The following SLC13A3 variants were observed in gnomAD, a reference collection of about 807,000 sequenced individuals.
SLC13A3 encodes Na(+)/dicarboxylate cotransporter 3.
SLC13A3 carries 40 observed loss-of-function variants against 59.0 expected under a neutral mutation model. The ratio of observed to expected loss-of-function variants is 0.68; its 90% CI spans 0.53 to 0.88. SLC13A3 has a LOEUF of 0.88. Among genes scored for constraint, SLC13A3 ranks in the 40% least tolerant of loss-of-function variants. The pLI, the probability that SLC13A3 is intolerant of heterozygous loss-of-function variation, is 0.00. For synonymous variants in SLC13A3, 317 were observed against 330.3 expected (o/e 0.96, Z 0.44); for missense variants, 699 against 783.2 (o/e 0.89, Z 1.28).
intron 1 of SLC13A3, among the ~76,000 whole-genome samples, chr20:46,665,133 G>T (rs186361864): frequency 7.6e-4 from 115 of 152,156 alleles, no homozygotes; most frequent in African/African-American, 2.7e-3. Context: ...AAGCATGGTG[G>T]TGTGTGCCTG....
At chr20:46,651,220 TG>T in intron 1 of SLC13A3, 90 bp downstream of exon 1, 1 of 1,392,016 alleles carries the variant, frequency 7.2e-7, no homozygotes, top group South Asian at 1.6e-5. Context: ...CTGTCTACAC[TG>T]GGACCTCAGC....
intron 1 of SLC13A3, among the ~76,000 whole-genome samples, chr20:46,644,316 T>G (rs2062873597): frequency 6.6e-6 from 1 of 152,078 alleles, no homozygotes; most frequent in Non-Finnish European, 1.5e-5. Flanking sequence ...TGAACCCATT[T>G]CCTCCCCACA....
intron 4 of SLC13A3, among the ~76,000 whole-genome samples, chr20:46,598,145 G>T (rs1464031895): frequency 1.3e-5 from 2 of 152,120 alleles, no homozygotes; most frequent in Admixed American, 6.5e-5. Flanking sequence ...CTTAAAGAAG[G>T]AAAGATAATT....
At position 46,619,543 on chromosome 20, in the gene SLC13A3, C is replaced by A. The variant is rs1379814195; in HGVS notation, c.112-5818G>T. 2.0e-5 allele frequency among the ~76,000 whole-genome samples: 3 copies of A among 152,310 alleles called. No individual in the cohort carries two copies. In the East Asian group the frequency reaches 5.8e-4, roughly 29 times the overall value. On this transcript the variant is annotated intron_variant, in intron 1 of 12. Transcript: ENST00000279027. ...ATTATGTCACTCCCCTGCTCAAACA[C>A]CTCCTCTGGCTCCCCATGGCCCCCA... is the stretch of plus-strand genomic sequence containing the variant.
chr20:46,654,691 G>A (rs560315796), upstream of SLC13A3, among the ~76,000 whole-genome samples: 42 of 152,096 alleles, frequency 2.8e-4, no homozygotes, highest in Non-Finnish European at 4.3e-4. Context: ...CATCACACCC[G>A]GCTAATTTTT....
chr20:46,575,771 G>A, intron 9 of SLC13A3, 86 bp from the exon 10 acceptor site: 1 of 730,026 alleles, frequency 1.4e-6, no homozygotes, highest in Non-Finnish European at 2.1e-6. Context: ...TCTTACCGGG[G>A]ACACTCAGGG....
intron 1 of SLC13A3, among the ~76,000 whole-genome samples, chr20:46,621,738 C>T (rs1237643009): frequency 2.0e-5 from 3 of 152,224 alleles, no homozygotes; most frequent in Non-Finnish European, 2.9e-5. Context: ...CGGCACATCA[C>T]ATCCAATGTC....
chr20:46,632,460 AG>A (rs5841651), intron 1 of SLC13A3, among the ~76,000 whole-genome samples: 55,927 of 131,384 alleles, frequency 0.43, 11,134 homozygotes, highest in East Asian at 0.63. Context: ...CCAGCCCCCA[AG>A]GGGGAAAAAA....
chr20:46,589,208 C>G lies in SLC13A3; in HGVS notation c.968G>C (p.Arg323Thr). The G allele has an allele frequency of 6.2e-7, 1 of 1,614,222 alleles. No homozygotes were observed. The highest frequency in any genetic ancestry group is 8.5e-7 in the Non-Finnish European group (1 of 1,180,040). ...KSEIRTNAEDRARAVIREEYQ... is the reference protein window; with the variant it reads ...KSEIRTNAEDTARAVIREEYQ... ...TTCTTCCCGAATTACAGCTCGAGCC[C>G]TATCTTCTGCATTGGTTCTTATCTC... The change falls in exon 7 of 13, where the codon AGG becomes ACG. Residue 323 changes from arginine to threonine, a missense_variant. Arg to Thr is a moderately conservative substitution (Grantham distance 71, BLOSUM62 -1). Coordinates refer to ENST00000279027, the MANE Select transcript of SLC13A3 (RefSeq NM_022829.6).
At chr20:46,642,181 C>G (rs1016442674) in intron 1 of SLC13A3, among the ~76,000 whole-genome samples, 7 of 152,192 alleles carry the variant, frequency 4.6e-5, no homozygotes, top group African/African-American at 1.7e-4. Context: ...TTTGATAATG[C>G]TGATTTCTGT....
At chr20:46,609,198 A>G (rs1214054347) in intron 3 of SLC13A3, 19 of 1,335,992 alleles carry the variant, frequency 1.4e-5, no homozygotes, top group Non-Finnish European at 1.6e-5. Flanking sequence ...TGTGGCAGCC[A>G]CTTTGCAACC....
chr20:46,562,828 G>A (rs1052873305), intron 12 of SLC13A3, among the ~76,000 whole-genome samples: 4 of 152,174 alleles, frequency 2.6e-5, no homozygotes, highest in African/African-American at 4.8e-5. Flanking sequence ...GGGGTCTTGT[G>A]CCTGGAGGGC....
At position 46,626,775 on chromosome 20, in the gene SLC13A3, T is replaced by C. The variant is rs192673324; in HGVS notation, c.112-13050A>G. Among the ~76,000 whole-genome samples, 57 of 136,312 alleles carry C rather than the reference T, an allele frequency of 4.2e-4. No homozygotes were observed. In the East Asian group the frequency reaches 0.011, roughly 26 times the overall value. The allele number at this position is 136,312 out of a possible 152,430, so 89.4% of individuals were successfully genotyped here. ...TCCCAGGGGACTTGGAGGCAGGGAC[T>C]AGAGCACTGAGGCCTGTAAAATGCT... On this transcript the variant is annotated intron_variant, in intron 1 of 12. Coordinates refer to ENST00000279027, the MANE Select transcript of SLC13A3 (RefSeq NM_022829.6).
At chr20:46,583,003 G>C in intron 9 of SLC13A3, 2 of 986,040 alleles carry the variant, frequency 2.0e-6, no homozygotes, top group South Asian at 9.4e-5. Flanking sequence ...TTCCTATACG[G>C]TTGAAACCCA....
chr20:46,611,248 T>A lies in SLC13A3; in HGVS notation c.378-639A>T, dbSNP rs111542423. Among the ~76,000 whole-genome samples, 460 of 152,330 alleles carry A rather than the reference T, an allele frequency of 3.0e-3. 2 individuals carry two copies. Among genetic ancestry groups the A allele is most frequent in the African/African-American group, 0.011 (445 of 41,586 alleles). On this transcript the variant is annotated intron_variant, in intron 2 of 12. Transcript: ENST00000279027. ...CTTCGGATTTGGGTTTCCTATAGAT[T>A]TATTCTGTTTCAAAAATCTGTTTCC...
In SLC13A3 at chr20:46,588,738, G is replaced by A. The variant is rs143186002; in HGVS notation, c.1016+422C>T. Among the ~76,000 whole-genome samples the A allele has an allele frequency of 5.6e-3, 851 of 152,150 alleles. 9 individuals are homozygous for A. Among genetic ancestry groups the A allele is most frequent in the African/African-American group, 0.02 (824 of 41,500 alleles). ...GACTGGAGAGCAGGGCCCAGAGAGG[G>A]TTAGTGCCATGACCAAAGCCACACA... is the stretch of plus-strand genomic sequence containing the variant. On this transcript the variant is annotated intron_variant, in intron 7 of 12. Coordinates refer to ENST00000279027, the MANE Select transcript of SLC13A3 (RefSeq NM_022829.6).
chr20:46,581,285 C>T (rs2062134473), intron 9 of SLC13A3, among the ~76,000 whole-genome samples: 1 of 152,312 alleles, frequency 6.6e-6, no homozygotes, highest in South Asian at 2.1e-4. Context: ...GTGCCAGAAC[C>T]ATGGATGGGC....
chr20:46,603,990 C>CAAAAAAAA (rs532575671), intron 3 of SLC13A3, among the ~76,000 whole-genome samples: 1 of 64,538 alleles, frequency 1.5e-5, no homozygotes. Flanking sequence ...GACGCCATCT[C>CAAAAAAAA]AAAAAAAAAA....
chr20:46,592,549 G>A lies in SLC13A3; in HGVS notation c.795-20C>T, dbSNP rs1256166060. On this transcript the variant is annotated intron_variant, in intron 5 of 12. Transcript: ENST00000279027. ...AAGAAACTGGAGAACAGCGGGAGAT[G>A]AGAACAGGCCAAGGGCAGCCATGCC... 1 of 1,612,738 alleles carries A rather than the reference G, an allele frequency of 6.2e-7. No homozygotes were observed. Among genetic ancestry groups the A allele is most frequent in the African/African-American group, 1.3e-5 (1 of 75,020 alleles).
Sources: gnomAD v4.1 joint callset for allele counts (sites outside exome capture counted in the v4.1 genomes callset) on GRCh38, gnomAD v4.1.1 for gene constraint, MANE v1.5 for transcripts, NCBI Gene and HGNC (gene_info 2026-07-23, HGNC 2026-07-21) for gene names.